UNC5C: variants seen among roughly 807,000 people sequenced by gnomAD.
The protein encoded by UNC5C is netrin receptor UNC5C.
Under a neutral mutation model 99.8 loss-of-function variants are expected in UNC5C, and 47 were observed. The observed-to-expected ratio is 0.47, with a 90% CI of 0.37 to 0.60. The LOEUF (loss-of-function observed/expected upper bound fraction) is 0.60, where lower values mean the gene tolerates loss of function less well. UNC5C is among the 20% of genes least tolerant of loss of function. UNC5C has a pLI of 0.00. For missense variants in UNC5C, 1,062 were observed against 1,165.9 expected, an observed-to-expected ratio of 0.91 and a Z score of 1.30; for synonymous variants, 487 against 452.2, an observed-to-expected ratio of 1.08 and a Z score of -0.98.
At position 95,447,382 on chromosome 4, in the gene UNC5C, C is replaced by T. The variant is rs536059244; in HGVS notation, c.124+101352G>A. ...TCAAAACTTCACTGAGACAAGGGCC[C>T]TGATTTATAGACAAGGAAAGTTATA... On this transcript the variant is annotated intron_variant, in intron 1 of 15. Coordinates refer to ENST00000453304, the MANE Select transcript of UNC5C (RefSeq NM_003728.4). 5.1e-4 allele frequency among the ~76,000 whole-genome samples: 78 copies of T among 152,236 alleles called. 1 individual carries two copies. The highest frequency in any genetic ancestry group is 4.2e-3 in the Admixed American group (64 of 15,290).
chr4:95,178,760 T>A (rs1317651572), intron 14 of UNC5C, among the ~76,000 whole-genome samples: 3 of 152,138 alleles, frequency 2.0e-5, no homozygotes, highest in Non-Finnish European at 4.4e-5. Context: ...TTGTCCCCAT[T>A]TTCTTGTGGA....
intron 7 of UNC5C, among the ~76,000 whole-genome samples, chr4:95,224,518 T>C (rs1419504317): frequency 6.6e-6 from 1 of 152,216 alleles, no homozygotes; most frequent in Non-Finnish European, 1.5e-5. Flanking sequence ...TCACAAATAT[T>C]ATGTAGATTT....
At chr4:95,443,168 A>G (rs1746999838) in intron 1 of UNC5C, among the ~76,000 whole-genome samples, 1 of 152,192 alleles carries the variant, frequency 6.6e-6, no homozygotes, top group African/African-American at 2.4e-5. Context: ...GAGGCTGGAT[A>G]TGGCAAGCAG....
At chr4:95,342,430 T>C (rs1484146259) in intron 1 of UNC5C, among the ~76,000 whole-genome samples, 2 of 151,962 alleles carry the variant, frequency 1.3e-5, no homozygotes, top group Non-Finnish European at 2.9e-5. Context: ...AACTACTACC[T>C]TGAAGGGAAG....
At chr4:95,306,662 T>C (rs1031375301) in intron 2 of UNC5C, among the ~76,000 whole-genome samples, 5 of 152,216 alleles carry the variant, frequency 3.3e-5, no homozygotes, top group Admixed American at 1.3e-4. Flanking sequence ...TTAGGTATTA[T>C]GTATGCCTGA....
Position 95,384,826 on chromosome 4 carries a change from G to C in UNC5C, c.125-49195C>G, listed in dbSNP as rs75613818. Among the ~76,000 whole-genome samples, 1,186 of 152,200 alleles carry C rather than the reference G, an allele frequency of 7.8e-3. 17 individuals carry two copies. The highest frequency in any genetic ancestry group is 0.027 in the African/African-American group (1,114 of 41,530). ...ACCAAAATAGCATCTTCGGAGAAGAGGGAACAAAATTTAAGATTCTTAAAG... is the reference window on the plus strand; with the variant it reads ...ACCAAAATAGCATCTTCGGAGAAGACGGAACAAAATTTAAGATTCTTAAAG... On this transcript the variant is annotated intron_variant, in intron 1 of 15. Coordinates refer to ENST00000453304, the MANE Select transcript of UNC5C (RefSeq NM_003728.4).
At chr4:95,466,911 C>T (rs1296587972) in intron 1 of UNC5C, among the ~76,000 whole-genome samples, 1 of 152,132 alleles carries the variant, frequency 6.6e-6, no homozygotes, top group East Asian at 1.9e-4. Context: ...TGACTCACTA[C>T]TAATGGTGTG....
chr4:95,357,885 T>A (rs1744265072), intron 1 of UNC5C, among the ~76,000 whole-genome samples: 1 of 152,180 alleles, frequency 6.6e-6, no homozygotes, highest in Non-Finnish European at 1.5e-5. Context: ...TGAATGTGTG[T>A]GTGTGTGTGA....
chr4:95,261,803 A>C (rs1353889558), intron 4 of UNC5C, among the ~76,000 whole-genome samples: 1 of 151,554 alleles, frequency 6.6e-6, no homozygotes, highest in Non-Finnish European at 1.5e-5. Context: ...TCCTGGGTTC[A>C]AGCAATTCTC....
chr4:95,292,693 C>T (rs1425716208), intron 3 of UNC5C, among the ~76,000 whole-genome samples: 1 of 152,160 alleles, frequency 6.6e-6, no homozygotes, highest in Non-Finnish European at 1.5e-5. Flanking sequence ...CAATTACGTC[C>T]AGCTACCTGA....
intron 1 of UNC5C, among the ~76,000 whole-genome samples, chr4:95,450,952 T>C (rs908653406): frequency 6.6e-6 from 1 of 152,166 alleles, no homozygotes; most frequent in Non-Finnish European, 1.5e-5. Context: ...AGAACATATG[T>C]AAAAGTGCCT....
At chr4:95,243,968 C>T (rs1739412949) in intron 6 of UNC5C, among the ~76,000 whole-genome samples, 1 of 152,150 alleles carries the variant, frequency 6.6e-6, no homozygotes, top group South Asian at 2.1e-4. Flanking sequence ...TAAATAAAAG[C>T]TCTCAAAGGG....
chr4:95,502,350 C>A (rs576251806), intron 1 of UNC5C, among the ~76,000 whole-genome samples: 1 of 152,238 alleles, frequency 6.6e-6, no homozygotes, highest in East Asian at 1.9e-4. Flanking sequence ...CTCTCTGCCG[C>A]CTTGAACTCC....
intron 1 of UNC5C, among the ~76,000 whole-genome samples, chr4:95,522,113 T>C (rs571560153): frequency 6.6e-6 from 1 of 152,132 alleles, no homozygotes; most frequent in Non-Finnish European, 1.5e-5. Context: ...AGTCCCTGGC[T>C]GAACAGATGC....
intron 1 of UNC5C, among the ~76,000 whole-genome samples, chr4:95,457,520 A>G (rs766778445): frequency 2.3e-4 from 35 of 152,208 alleles, no homozygotes; most frequent in Non-Finnish European, 4.3e-4. Flanking sequence ...TCAGGAACCA[A>G]CAAAACAAGA....
intron 1 of UNC5C, among the ~76,000 whole-genome samples, chr4:95,516,951 G>C (rs1053130736): frequency 3.3e-5 from 5 of 152,108 alleles, no homozygotes; most frequent in Admixed American, 6.6e-5. Context: ...CCAGGATAGA[G>C]GCTTCCGGGG....
At chr4:95,411,048 G>C (rs1745971877) in intron 1 of UNC5C, among the ~76,000 whole-genome samples, 1 of 152,154 alleles carries the variant, frequency 6.6e-6, no homozygotes, top group Non-Finnish European at 1.5e-5. Context: ...CCTAGCAGGA[G>C]TTCAGCAGGG....
At chr4:95,201,446 T>C (rs989583388) in intron 12 of UNC5C, among the ~76,000 whole-genome samples, 98 of 152,270 alleles carry the variant, frequency 6.4e-4, no homozygotes, top group African/African-American at 2.1e-3. Context: ...ATATTTCTAA[T>C]ATGTATTTTC....
intron 1 of UNC5C, among the ~76,000 whole-genome samples, chr4:95,457,592 G>A (rs1747478492): frequency 6.6e-6 from 1 of 151,994 alleles, no homozygotes; most frequent in Admixed American, 6.6e-5. Flanking sequence ...ATTTAATGCT[G>A]TTAATATTTC....
Sources: gnomAD v4.1 joint callset for allele counts (sites outside exome capture counted in the v4.1 genomes callset) on GRCh38, gnomAD v4.1.1 for gene constraint, MANE v1.5 for transcripts, NCBI Gene and HGNC (gene_info 2026-07-23, HGNC 2026-07-21) for gene names.